Variants in XRCC4 observed in about 807,000 individuals in gnomAD.
The protein encoded by XRCC4 is X-ray repair cross complementing 4, also known as DNA repair protein XRCC4.
XRCC4 carries 28 observed loss-of-function variants against 39.1 expected under a neutral mutation model. That is an observed-to-expected ratio of 0.72 (90% CI 0.53 to 0.98). XRCC4 has a LOEUF of 0.98. Among genes scored for constraint, XRCC4 ranks in the 50% least tolerant of loss-of-function variants. The pLI is 0.00. For synonymous variants in XRCC4, 123 were observed against 126.4 expected, an observed-to-expected ratio of 0.97 and a Z score of 0.18; for missense variants, 350 against 376.4, an observed-to-expected ratio of 0.93 and a Z score of 0.58.
chr5:83,206,117 A>G lies in XRCC4; in HGVS notation c.745+1196A>G, dbSNP rs527500457. On this transcript the variant is annotated intron_variant, in intron 6 of 7. Transcript: ENST00000396027. Reference sequence around the variant, plus strand: ...GAACTTCTCCTGTTACTTTGAATTAACTTGGAAACTACTGAAGGATTTTAA... The same window carrying G: ...GAACTTCTCCTGTTACTTTGAATTAGCTTGGAAACTACTGAAGGATTTTAA... 2.0e-5 allele frequency among the ~76,000 whole-genome samples: 3 copies of G among 152,240 alleles called. 1 individual carries two copies. Among genetic ancestry groups the G allele is most frequent in the East Asian group, 1.9e-4 (1 of 5,180 alleles).
At chr5:83,283,334 T>C (rs757377073) in intron 7 of XRCC4, among the ~76,000 whole-genome samples, 31 of 152,234 alleles carry the variant, frequency 2.0e-4, no homozygotes, top group Non-Finnish European at 3.4e-4. Flanking sequence ...CATTGCCTTT[T>C]CTGCTATCCA....
chr5:83,258,691 T>G lies in XRCC4; in HGVS notation c.893+14T>G, dbSNP rs1323557212. The G allele has an allele frequency of 6.2e-7, 1 of 1,608,708 alleles. No homozygotes were observed. The highest frequency in any genetic ancestry group is 1.1e-5 in the South Asian group (1 of 89,730). On this transcript the variant is annotated intron_variant, in intron 7 of 7. Transcript: ENST00000396027. ...AGAAAAGGAAAAGTAAGTCATTTTATTCTTTGCCAAGAAGTGAGATGACAT... is the reference window on the plus strand; with the variant it reads ...AGAAAAGGAAAAGTAAGTCATTTTAGTCTTTGCCAAGAAGTGAGATGACAT...
At chr5:83,120,000 A>C (rs1313913670) in intron 3 of XRCC4, among the ~76,000 whole-genome samples, 36 of 147,386 alleles carry the variant, frequency 2.4e-4, no homozygotes, top group East Asian at 2.3e-3. Context: ...TTGTCTCACA[A>C]AAAAAAAAAA....
chr5:83,348,627 G>T (rs894976017), intron 7 of XRCC4, among the ~76,000 whole-genome samples: 1 of 152,240 alleles, frequency 6.6e-6, no homozygotes, highest in Non-Finnish European at 1.5e-5. Context: ...GATGGGAGGG[G>T]CTGCCATGAA....
chr5:83,243,850 G>T (rs1053434007), intron 6 of XRCC4, among the ~76,000 whole-genome samples: 1 of 152,122 alleles, frequency 6.6e-6, no homozygotes, highest in African/African-American at 2.4e-5. Flanking sequence ...GTGTGTGTTA[G>T]GTTTGTTGAC....
At chr5:83,164,364 G>T (rs1435649326) in intron 3 of XRCC4, among the ~76,000 whole-genome samples, 1 of 151,952 alleles carries the variant, frequency 6.6e-6, no homozygotes, top group Non-Finnish European at 1.5e-5. Context: ...CCTTATAAAA[G>T]TCCCCAAATT....
chr5:83,127,599 T>C (rs1436299298), intron 3 of XRCC4, among the ~76,000 whole-genome samples: 2 of 152,062 alleles, frequency 1.3e-5, no homozygotes, highest in Non-Finnish European at 2.9e-5. Flanking sequence ...GGTATGTCTT[T>C]ATCAGCAGTA....
At chr5:83,137,593 T>C (rs1204434539) in intron 3 of XRCC4, among the ~76,000 whole-genome samples, 2 of 152,180 alleles carry the variant, frequency 1.3e-5, no homozygotes, top group Non-Finnish European at 2.9e-5. Flanking sequence ...TGAACCCTCC[T>C]GACTACCTGG....
At chr5:83,141,520 T>C (rs1748171838) in intron 3 of XRCC4, among the ~76,000 whole-genome samples, 1 of 152,168 alleles carries the variant, frequency 6.6e-6, no homozygotes, top group South Asian at 2.1e-4. Context: ...AGAAATTATA[T>C]CTCAGTGTTG....
At chr5:83,130,881 T>C (rs1203726045) in intron 3 of XRCC4, among the ~76,000 whole-genome samples, 1 of 152,184 alleles carries the variant, frequency 6.6e-6, no homozygotes, top group Non-Finnish European at 1.5e-5. Flanking sequence ...TTAGTCTTGC[T>C]AGTGGTCTAT....
intron 3 of XRCC4, among the ~76,000 whole-genome samples, chr5:83,145,128 C>A (rs1268910283): frequency 6.6e-6 from 1 of 152,190 alleles, no homozygotes; most frequent in Non-Finnish European, 1.5e-5. Flanking sequence ...ATCTCCTGAC[C>A]TCATGATCCG....
rs186858485 is a variant in XRCC4, at chr5:83,282,692, A to G, written c.893+24015A>G. Among the ~76,000 whole-genome samples the G allele has an allele frequency of 3.7e-3, 554 of 151,770 alleles. 12 individuals are homozygous for G. In the East Asian group the frequency reaches 0.072, roughly 20 times the overall value. On this transcript the variant is annotated intron_variant, in intron 7 of 7. Coordinates refer to ENST00000396027, the MANE Select transcript of XRCC4 (RefSeq NM_003401.5). ...CCCATCTCTACTAAAAATACAAAAA[A>G]TTAGCCAGGCATGGTGGCAGGCGCC...
rs1362096692 is a variant in XRCC4, at chr5:83,133,574, A to G, written c.315+22371A>G. Among the ~76,000 whole-genome samples, 6 of 152,238 alleles carry G rather than the reference A, an allele frequency of 3.9e-5. No individual in the cohort carries two copies. The South Asian group carries it at 6.2e-4, about 16-fold the overall frequency. On this transcript the variant is annotated intron_variant, in intron 3 of 7. Coordinates refer to ENST00000396027, the MANE Select transcript of XRCC4 (RefSeq NM_003401.5). ...TTCTGGCCGCTTTGTTTACCTACTC[A>G]AGCCTCAGCAATGGTGGACGCCCCT...
intron 7 of XRCC4, among the ~76,000 whole-genome samples, chr5:83,330,543 T>C (rs933747023): frequency 1.3e-5 from 2 of 151,976 alleles, no homozygotes; most frequent in African/African-American, 4.8e-5. Context: ...AAACTTTTCT[T>C]TTTAAGGCAA....
intron 6 of XRCC4, among the ~76,000 whole-genome samples, chr5:83,229,777 T>C (rs563027935): frequency 6.6e-6 from 1 of 151,482 alleles, no homozygotes; most frequent in South Asian, 2.1e-4. Context: ...TTTAATATGG[T>C]AGTTGATATG....
chr5:83,303,355 A>G (rs1201009117), intron 7 of XRCC4, among the ~76,000 whole-genome samples: 2 of 152,204 alleles, frequency 1.3e-5, no homozygotes, highest in South Asian at 2.1e-4. Flanking sequence ...AAAAGTTTCA[A>G]ATATATCTTA....
the XRCC4 span, among the ~76,000 whole-genome samples, chr5:83,368,869 T>C: frequency 6.6e-6 from 1 of 152,142 alleles, no homozygotes; most frequent in Admixed American, 6.5e-5. Flanking sequence ...GACATTAGAA[T>C]GGATAGAGAC....
chr5:83,224,737 C>T (rs1249799612), intron 6 of XRCC4, among the ~76,000 whole-genome samples: 7 of 152,100 alleles, frequency 4.6e-5, no homozygotes, highest in Non-Finnish European at 1.0e-4. Context: ...AGAAAGTTTT[C>T]ATCACCTCTT....
intron 7 of XRCC4, among the ~76,000 whole-genome samples, chr5:83,310,513 G>A (rs1755670198): frequency 6.6e-6 from 1 of 152,114 alleles, no homozygotes; most frequent in African/African-American, 2.4e-5. Flanking sequence ...CCTTTCTGCG[G>A]CAAACAGAAT....
Sources: gnomAD v4.1 joint callset for allele counts (sites outside exome capture counted in the v4.1 genomes callset) on GRCh38, gnomAD v4.1.1 for gene constraint, MANE v1.5 for transcripts, NCBI Gene and HGNC (gene_info 2026-07-23, HGNC 2026-07-21) for gene names.